The following PCNX2 variants were observed in gnomAD, a reference collection of about 807,000 sequenced individuals.
PCNX2 encodes pecanex 2.
In PCNX2, 168 loss-of-function variants were observed where a neutral mutation model predicts 223.8. That is an observed-to-expected ratio of 0.75 (90% confidence interval 0.66 to 0.85). The LOEUF (loss-of-function observed/expected upper bound fraction) is 0.85, where lower values mean the gene tolerates loss of function less well. Among genes scored for constraint, PCNX2 ranks in the 40% least tolerant of loss-of-function variants. The pLI is 0.00. For synonymous variants in PCNX2, 1,006 were observed against 1,052.6 expected, an observed-to-expected ratio of 0.96 and a Z score of 0.86; for missense variants, 2,507 against 2,675.5, an observed-to-expected ratio of 0.94 and a Z score of 1.39.
At chr1:233,169,107 G>A (rs1273964936) in intron 17 of PCNX2, among the ~76,000 whole-genome samples, 1 of 151,952 alleles carries the variant, frequency 6.6e-6, no homozygotes, top group Non-Finnish European at 1.5e-5. Flanking sequence ...AGGGTTGTTG[G>A]TATTAGAAAG....
At chr1:233,130,138 C>G (rs1021093284) in intron 21 of PCNX2, among the ~76,000 whole-genome samples, 2 of 152,230 alleles carry the variant, frequency 1.3e-5, no homozygotes, top group Middle Eastern at 3.4e-3. Context: ...AGCGAGACCA[C>G]GAACCCACCA....
intron 9 of PCNX2, among the ~76,000 whole-genome samples, chr1:233,229,656 C>A (rs566430191): frequency 8.5e-5 from 13 of 152,154 alleles, no homozygotes; most frequent in African/African-American, 3.1e-4. Context: ...CTTCTTAAAG[C>A]GGGGTTTCAT....
At chr1:233,020,580 G>A (rs896400737) in intron 26 of PCNX2, among the ~76,000 whole-genome samples, 1 of 152,216 alleles carries the variant, frequency 6.6e-6, no homozygotes, top group Non-Finnish European at 1.5e-5. Flanking sequence ...TTCTAGGAAG[G>A]CGGGCCTGGC....
chr1:233,177,979 A>C, intron 16 of PCNX2, 81 bp from the exon 17 acceptor site: 6 of 1,039,074 alleles, frequency 5.8e-6, no homozygotes, highest in Non-Finnish European at 8.7e-6. Flanking sequence ...CTTAGATCTC[A>C]CACCCACACA....
At chr1:233,137,657 T>C (rs75771745) in intron 20 of PCNX2, among the ~76,000 whole-genome samples, 2,001 of 152,314 alleles carry the variant, frequency 0.013, 37 homozygotes, top group African/African-American at 0.045. Flanking sequence ...TTCAAGAACT[T>C]ATCCAGGATG....
intron 8 of PCNX2, among the ~76,000 whole-genome samples, chr1:233,239,032 T>C (rs1423420984): frequency 6.6e-6 from 1 of 152,228 alleles, no homozygotes; most frequent in Non-Finnish European, 1.5e-5. Context: ...GTAATGTAAC[T>C]CTGTCATTTC....
At chr1:233,177,741 C>T in intron 17 of PCNX2, 61 bp downstream of exon 17, 4 of 1,416,176 alleles carry the variant, frequency 2.8e-6, no homozygotes, top group Non-Finnish European at 4.0e-6. Flanking sequence ...CCATTGAGAG[C>T]CTGATCTCTG....
intron 10 of PCNX2, among the ~76,000 whole-genome samples, chr1:233,219,484 C>G (rs992614283): frequency 3.3e-5 from 5 of 152,146 alleles, no homozygotes; most frequent in Admixed American, 6.5e-5. Flanking sequence ...TTGGGTGGGT[C>G]ATTCGCAAGG....
chr1:233,054,629 T>G (rs1672122059), intron 24 of PCNX2, 146 bp from the exon 25 acceptor site: 3 of 683,678 alleles, frequency 4.4e-6, no homozygotes, highest in Middle Eastern at 3.6e-4. Context: ...TTCCCACATT[T>G]TAGTGGATTA....
chr1:233,045,023 A>G (rs1433817674), intron 25 of PCNX2, among the ~76,000 whole-genome samples: 1 of 152,156 alleles, frequency 6.6e-6, no homozygotes, highest in Non-Finnish European at 1.5e-5. Flanking sequence ...GTACCAGACA[A>G]CAGAAATAGG....
the PCNX2 span, among the ~76,000 whole-genome samples, chr1:233,322,975 A>G: frequency 2.0e-5 from 3 of 152,286 alleles, no homozygotes; most frequent in South Asian, 6.2e-4. Context: ...CTCTAAAACA[A>G]TATTCCAGGT....
At position 233,228,618 on chromosome 1, in the gene PCNX2, T is replaced by C. The variant is rs147099196; in HGVS notation, c.2359-1247A>G. Among the ~76,000 whole-genome samples the C allele has an allele frequency of 5.8e-3, 886 of 152,308 alleles. 9 individuals carry two copies. The highest frequency in any genetic ancestry group is 0.02 in the African/African-American group (835 of 41,578). ...GCATAGTGTCCTCAAGCTTCATCCA[T>C]GTTGTAGCATGTGTCAGAATTTCCC... On this transcript the variant is annotated intron_variant, in intron 9 of 33. Transcript: ENST00000258229.
chr1:233,031,998 C>A (rs1671285024), intron 25 of PCNX2: 1 of 984,850 alleles, frequency 1.0e-6, no homozygotes, highest in African/African-American at 1.7e-5. Flanking sequence ...GGGTCTCAGC[C>A]TGCCACAGTG....
chr1:232,985,557 T>C, intron 33 of PCNX2: 2 of 185,402 alleles, frequency 1.1e-5, no homozygotes, highest in Middle Eastern at 2.2e-3. Flanking sequence ...TCTCAGCTGG[T>C]TTGGGATTCT....
intron 9 of PCNX2, chr1:233,231,583 G>A: frequency 1.1e-6 from 1 of 917,324 alleles, no homozygotes; most frequent in Non-Finnish European, 1.3e-6. Flanking sequence ...AAAATAATTA[G>A]AGGTTCTCAG....
intron 1 of PCNX2, chr1:233,290,756 A>T: frequency 2.4e-5 from 24 of 984,272 alleles, no homozygotes; most frequent in Non-Finnish European, 2.9e-5. Context: ...GGTCTCTAAG[A>T]TTAAATTTTA....
At chr1:233,128,324 T>G (rs1008416032) in intron 21 of PCNX2, among the ~76,000 whole-genome samples, 1 of 151,404 alleles carries the variant, frequency 6.6e-6, no homozygotes, top group Non-Finnish European at 1.5e-5. Context: ...AAAACAATGT[T>G]TTTTTTTTGT....
chr1:233,118,009 CAAA>C (rs35266392), intron 21 of PCNX2, among the ~76,000 whole-genome samples: 3 of 115,396 alleles, frequency 2.6e-5, no homozygotes, highest in Non-Finnish European at 1.8e-5. Context: ...GACTCCGTCT[CAAA>C]AAAAAAAAAA....
intron 28 of PCNX2, among the ~76,000 whole-genome samples, chr1:233,011,761 G>A (rs767860743): frequency 2.0e-5 from 3 of 152,210 alleles, no homozygotes; most frequent in Non-Finnish European, 4.4e-5. Flanking sequence ...TCACAGGGAT[G>A]GAAGCTCCTG....
Sources: allele counts gnomAD v4.1 joint callset (sites outside exome capture counted in the v4.1 genomes callset), GRCh38; gene constraint gnomAD v4.1.1; transcripts MANE v1.5; gene names NCBI Gene and HGNC (gene_info 2026-07-23, HGNC 2026-07-21).